The following SPOCD1 variants were observed in gnomAD, a reference collection of about 807,000 sequenced individuals.
SPOCD1 encodes SPOC domain containing 1.
In SPOCD1, 64 loss-of-function variants were observed where a neutral mutation model predicts 92.2. The observed-to-expected ratio is 0.69, with a 90% confidence interval of 0.57 to 0.86. The LOEUF (loss-of-function observed/expected upper bound fraction) is 0.86, where lower values mean the gene tolerates loss of function less well. SPOCD1 is among the 40% of genes least tolerant of loss of function. SPOCD1 has a pLI of 0.00. For synonymous variants in SPOCD1, 578 were observed against 619.3 expected (o/e 0.93, Z 0.99); for missense variants, 1,360 against 1,543.1 (o/e 0.88, Z 1.99).
At chr1:31,808,677 C>T (rs1648998660) in intron 2 of SPOCD1, among the ~76,000 whole-genome samples, 1 of 151,838 alleles carries the variant, frequency 6.6e-6, no homozygotes, top group South Asian at 2.1e-4. Context: ...CAACACTATA[C>T]TAACAGTCTT....
chr1:31,791,447 G>T, intron 15 of SPOCD1, 156 bp from the exon 16 acceptor site: 1 of 534,414 alleles, frequency 1.9e-6, no homozygotes, highest in East Asian at 3.3e-5. Context: ...GCGGGATCAA[G>T]GCTTATCTGG....
chr1:31,791,153 T>G lies in SPOCD1; in HGVS notation c.3101A>C (p.Gln1034Pro). ...AGSSPWLGKV[Q>P]KMVSFNSKVE... is the part of the protein sequence containing the mutation. ...CTTACTGTTGAAGGAGACCATCTTT[T>G]GAACCTTCCCCAACCAGGGGCTGGA... The change falls in exon 16 of 16, where the codon CAA becomes CCA. Residue 1034 changes from glutamine to proline, a missense_variant. Transcript: ENST00000360482. The G allele has an allele frequency of 6.2e-7, 1 of 1,613,122 alleles. No individual in the cohort carries two copies. Among genetic ancestry groups the G allele is most frequent in the Non-Finnish European group, 8.5e-7 (1 of 1,179,760 alleles).
At chr1:31,810,354 A>ATTTTTTTT (rs35691769) in intron 2 of SPOCD1, among the ~76,000 whole-genome samples, 1 of 137,934 alleles carries the variant, frequency 7.2e-6, no homozygotes, top group African/African-American at 2.7e-5. Context: ...TTAGTGTTGA[A>ATTTTTTTT]TTTTTTTTTT....
rs774030734 is a variant in SPOCD1 at position 31,794,234 on chromosome 1, C to G, written c.2273G>C (p.Gly758Ala). 5.6e-6 allele frequency: 9 copies of G among 1,608,888 alleles called. No homozygotes were observed. The highest frequency in any genetic ancestry group is 7.7e-6 in the Non-Finnish European group (9 of 1,176,220). Residue 758 changes from glycine to alanine, a missense_variant and splice_region_variant, in exon 11 of 16, where the codon GGA becomes GCA. By Grantham distance (60) the Gly-to-Ala change is moderately conservative. Transcript: ENST00000360482. ...GCTGCAGTCCATGAACATCTGCGGT[C>G]CCTGGGAGGCAGAAGACAGAGGGGC... ...DQTLTLEDLV[G>A]PQMFMDCSPQ...
At chr1:31,792,912 C>T (rs1647708549) in intron 13 of SPOCD1, 145 bp from the exon 14 acceptor site, 3 of 731,376 alleles carry the variant, frequency 4.1e-6, no homozygotes, top group African/African-American at 1.7e-5. Flanking sequence ...CCAGAAAGCT[C>T]TAATTGCCCC....
Position 31,801,721 on chromosome 1 carries a change from G to A in SPOCD1, c.1384-16C>T. 1.2e-6 allele frequency: 2 copies of A among 1,612,122 alleles called. No homozygotes were observed. The highest frequency in any genetic ancestry group is 1.7e-6 in the Non-Finnish European group (2 of 1,178,280). ...TCACTTCCTCCTTGGAGAGAAAGAG[G>A]ATGCAGAGATTAGAATCCAGAGGAC... On this transcript the variant is annotated splice_polypyrimidine_tract_variant and intron_variant, in intron 2 of 15. Coordinates refer to ENST00000360482, the MANE Select transcript of SPOCD1 (RefSeq NM_144569.7).
chr1:31,793,180 A>G, intron 13 of SPOCD1, 98 bp downstream of exon 13: 3 of 1,396,588 alleles, frequency 2.1e-6, no homozygotes, highest in Non-Finnish European at 2.9e-6. Flanking sequence ...GGTGCCCATG[A>G]ATTGTTTTAG....
At chr1:31,804,331 C>A (rs1402698237) in intron 2 of SPOCD1, among the ~76,000 whole-genome samples, 1 of 152,160 alleles carries the variant, frequency 6.6e-6, no homozygotes, top group African/African-American at 2.4e-5. Flanking sequence ...AACCAAAGAG[C>A]TGGGATTTAA....
In SPOCD1 at chr1:31,814,033, T is replaced by G. The variant is rs754585448; in HGVS notation, c.1301A>C (p.Gln434Pro). The change falls in exon 2 of 16, where the codon CAA becomes CCA. Residue 434 changes from glutamine to proline, a missense_variant. By Grantham distance (76) the Gln-to-Pro change is moderately conservative. Around this residue, in one of 3 missense-constraint regions of SPOCD1, gnomAD observed 606 missense variants for 601.5 expected, o/e 1.01. Transcript: ENST00000360482. This position sits in a 1 kb window ranked among gnomAD's most constrained non-coding sequence, Gnocchi z 4.2. The part of the protein sequence containing the change: ...NLKKGPVPCA[Q>P]DRGTDRSSDN... ...TGAGCTTCTGTCTGTGCCCCGGTCTTGGGCACAGGGCACTGGACCTTTCTT... is the reference window on the plus strand; with the variant it reads ...TGAGCTTCTGTCTGTGCCCCGGTCTGGGGCACAGGGCACTGGACCTTTCTT... The G allele has an allele frequency of 2.4e-5, 39 of 1,611,684 alleles. No individual in the cohort carries two copies. The highest frequency in any genetic ancestry group is 3.1e-5 in the Non-Finnish European group (36 of 1,178,474).
intron 6 of SPOCD1, 38 bp downstream of exon 6, chr1:31,799,769 GTC>G: frequency 6.2e-7 from 1 of 1,611,060 alleles, no homozygotes; most frequent in East Asian, 2.2e-5. Flanking sequence ...GACCCCAGCA[GTC>G]TCTGGAAGCA....
chr1:31,791,176 G>C lies in SPOCD1; in HGVS notation c.3078C>G (p.Ser1026=). Residue 1026 remains serine (S), a synonymous_variant, in exon 16 of 16, where the codon TCC becomes TCG. Coordinates refer to ENST00000360482, the MANE Select transcript of SPOCD1 (RefSeq NM_144569.7). ...PKEGLPDTAG[S]SPWLGKVQKM... ...TTTGAACCTTCCCCAACCAGGGGCT[G>C]GACCCTGCTGTGTCTGGAAGCCCTT... 2.5e-6 allele frequency: 4 copies of C among 1,612,470 alleles called. No homozygotes were observed. Among genetic ancestry groups the C allele is most frequent in the Non-Finnish European group, 3.4e-6 (4 of 1,179,274 alleles).
In SPOCD1 at chr1:31,793,394, G is replaced by A; in HGVS notation, c.2569C>T (p.Pro857Ser). ...PPSGLHVPAA[P>S]TKALPCLPPW... ...GGCAGGCAGGGCAGGGCCTTTGTGG[G>A]TGCAGCAGGCACATGGAGCCCAGAT... Residue 857 changes from proline to serine, a missense_variant, in exon 13 of 16, where the codon CCC (proline) becomes TCC (serine). Coordinates refer to ENST00000360482, the MANE Select transcript of SPOCD1 (RefSeq NM_144569.7). 6.3e-6 allele frequency: 10 copies of A among 1,593,242 alleles called. No homozygotes were observed. The highest frequency in any genetic ancestry group is 8.5e-6 in the Non-Finnish European group (10 of 1,169,848).
rs963197273 is a variant in SPOCD1, at chr1:31,809,479, G to T, written c.1383+4472C>A. On this transcript the variant is annotated intron_variant, in intron 2 of 15. Coordinates refer to ENST00000360482, the MANE Select transcript of SPOCD1 (RefSeq NM_144569.7). ...AATATTCCCTGGAGATACCCCATAT[G>T]TACCAAAAACCATACAAAACTATCA... 4.0e-4 allele frequency among the ~76,000 whole-genome samples: 61 copies of T among 151,304 alleles called. 1 individual carries two copies. Among genetic ancestry groups the T allele is most frequent in the Non-Finnish European group, 5.9e-5 (4 of 67,912 alleles).
At chr1:31,804,862 C>T (rs1014994844) in intron 2 of SPOCD1, among the ~76,000 whole-genome samples, 12 of 151,948 alleles carry the variant, frequency 7.9e-5, no homozygotes, top group South Asian at 2.1e-4. Context: ...GAAAGGTACG[C>T]GCTTGGAATT....
At chr1:31,805,126 C>T (rs1171941842) in intron 2 of SPOCD1, among the ~76,000 whole-genome samples, 1 of 151,594 alleles carries the variant, frequency 6.6e-6, no homozygotes, top group East Asian at 1.9e-4. Context: ...GGACTACAGG[C>T]GCCCGCCACC....
intron 10 of SPOCD1, chr1:31,794,449 A>G: frequency 2.3e-6 from 1 of 430,364 alleles, no homozygotes; most frequent in Non-Finnish European, 4.1e-6. Flanking sequence ...CTCAGAGACC[A>G]CTGTTGATAT....
Position 31,792,705 on chromosome 1 carries a change from C to G in SPOCD1, c.2748G>C (p.Leu916=). 6.2e-7 allele frequency: 1 copy of G among 1,606,376 alleles called. No homozygotes were observed. The highest frequency in any genetic ancestry group is 8.5e-7 in the Non-Finnish European group (1 of 1,176,980). ...CIPSNIVWDL[L]ASICPAKAKD... ...TGGCCTTGGCTGGGCAGATGCTGGC[C>G]AGAAGGTCCCAGACAATGTTGGAGG... Residue 916 remains leucine (L), a synonymous_variant, in exon 14 of 16, where the codon CTG becomes CTC. Transcript: ENST00000360482.
Position 31,800,337 on chromosome 1 carries a change from C to T in SPOCD1, c.1602+104G>A, listed in dbSNP as rs530683493. The T allele has an allele frequency of 3.7e-4, 538 of 1,436,092 alleles. 1 individual carries two copies. The highest frequency in any genetic ancestry group is 1.2e-3 in the African/African-American group (83 of 69,576). 89.0% of individuals were successfully genotyped at this position (1,436,092 alleles called of 1,614,324 possible). ...CCTGCCTCTGGCTATTCTGAATGAC[C>T]GCGAGCAAGTGGCACCCTCTCTCTG... is the stretch of plus-strand genomic sequence containing the variant. On this transcript the variant is annotated intron_variant, in intron 4 of 15. Transcript: ENST00000360482.
intron 2 of SPOCD1, among the ~76,000 whole-genome samples, chr1:31,804,893 T>C (rs1389769997): frequency 1.3e-5 from 2 of 152,044 alleles, no homozygotes; most frequent in Non-Finnish European, 2.9e-5. Flanking sequence ...AAGATCCCTA[T>C]ATCATTTTGG....
Sources: gnomAD v4.1 joint callset for allele counts (sites outside exome capture counted in the v4.1 genomes callset) on GRCh38, gnomAD v4.1.1 for gene constraint, gnomAD v4.1.1 regional missense constraint, Gnocchi (gnomAD v3.1) non-coding constraint, MANE v1.5 for transcripts, NCBI Gene and HGNC (gene_info 2026-07-23, HGNC 2026-07-21) for gene names.